Variants in NTM observed in about 807,000 individuals in gnomAD.
NTM encodes neurotrimin, also known as IgLON family member 2.
NTM carries 13 observed loss-of-function variants against 42.1 expected under a neutral mutation model. The observed-to-expected ratio is 0.31, with a 90% CI of 0.20 to 0.49. NTM has a LOEUF of 0.49. Ranked by LOEUF, NTM falls within the 20% of genes least tolerant of loss-of-function variation. The probability of loss-of-function intolerance (pLI) is 0.99; values close to 1 mark genes in which losing one functional copy is unlikely to be tolerated. For synonymous variants in NTM, 187 were observed against 179.2 expected, an observed-to-expected ratio of 1.04 and a Z score of -0.35; for missense variants, 373 against 452.8, an observed-to-expected ratio of 0.82 and a Z score of 1.60.
chr11:131,832,385 A>G (rs1263694705), intron 1 of NTM, among the ~76,000 whole-genome samples: 1 of 152,112 alleles, frequency 6.6e-6, no homozygotes, highest in Non-Finnish European at 1.5e-5. Context: ...AAGAAAAAAA[A>G]ACCATGGATA....
chr11:132,188,012 C>T (rs1284581582), intron 3 of NTM, among the ~76,000 whole-genome samples: 1 of 152,158 alleles, frequency 6.6e-6, no homozygotes, highest in Non-Finnish European at 1.5e-5. Flanking sequence ...GATAAGCTAG[C>T]CCAGCAGCTC....
At chr11:132,196,007 C>T (rs189422907) in intron 3 of NTM, among the ~76,000 whole-genome samples, 130 of 152,064 alleles carry the variant, frequency 8.5e-4, no homozygotes, top group Admixed American at 7.5e-3. Context: ...CAGAGTAAAC[C>T]GACAACCTAT....
intron 1 of NTM, among the ~76,000 whole-genome samples, chr11:131,691,669 G>A (rs950162457): frequency 2.5e-4 from 38 of 152,100 alleles, no homozygotes; most frequent in African/African-American, 9.2e-4. Context: ...GCAACCCCAG[G>A]GCGCAGCCAC....
At chr11:131,438,905 C>A (rs1949368635) in intron 1 of NTM, among the ~76,000 whole-genome samples, 1 of 152,180 alleles carries the variant, frequency 6.6e-6, no homozygotes, top group Non-Finnish European at 1.5e-5. Context: ...TCTGGTTTCT[C>A]CTCATCTTTG....
chr11:132,212,790 A>G (rs1486420085), intron 4 of NTM, among the ~76,000 whole-genome samples: 3 of 152,212 alleles, frequency 2.0e-5, no homozygotes, highest in Admixed American at 2.0e-4. Flanking sequence ...ATTTATTATT[A>G]AGCTAGCTTT....
At chr11:131,820,171 A>G (rs2093125373) in intron 1 of NTM, among the ~76,000 whole-genome samples, 1 of 152,186 alleles carries the variant, frequency 6.6e-6, no homozygotes, top group Non-Finnish European at 1.5e-5. Flanking sequence ...CAGCCTGGTG[A>G]GATTAACAAG....
chr11:131,975,909 C>T (rs995011786), intron 2 of NTM, among the ~76,000 whole-genome samples: 13 of 152,132 alleles, frequency 8.5e-5, no homozygotes, highest in South Asian at 2.1e-4. Context: ...GTGCAGGATC[C>T]GAGATATGAT....
At chr11:131,925,696 C>T (rs1159423113) in intron 2 of NTM, among the ~76,000 whole-genome samples, 1 of 152,070 alleles carries the variant, frequency 6.6e-6, no homozygotes, top group African/African-American at 2.4e-5. Flanking sequence ...GCCAGAGTTC[C>T]AAGCCTTGAA....
At chr11:131,720,438 A>G (rs2078199680) in intron 1 of NTM, among the ~76,000 whole-genome samples, 1 of 152,198 alleles carries the variant, frequency 6.6e-6, no homozygotes, top group Non-Finnish European at 1.5e-5. Flanking sequence ...TTGGAATGCA[A>G]CACACATAGT....
intron 1 of NTM, among the ~76,000 whole-genome samples, chr11:131,664,367 C>G (rs1330547696): frequency 6.6e-6 from 1 of 152,196 alleles, no homozygotes; most frequent in Non-Finnish European, 1.5e-5. Context: ...CTCATCATAG[C>G]CTTCCAAATT....
chr11:131,586,236 G>T (rs183378194), intron 1 of NTM, among the ~76,000 whole-genome samples: 180 of 152,252 alleles, frequency 1.2e-3, no homozygotes, highest in African/African-American at 3.9e-3. Context: ...CTCCCAAGTA[G>T]CTGGGACCAC....
intron 1 of NTM, among the ~76,000 whole-genome samples, chr11:131,840,534 A>C (rs1032798987): frequency 6.6e-6 from 1 of 152,150 alleles, no homozygotes; most frequent in Non-Finnish European, 1.5e-5. Flanking sequence ...GCAAAAGAAA[A>C]CTTAAGGAAG....
intron 2 of NTM, among the ~76,000 whole-genome samples, chr11:132,076,877 T>G (rs1339228674): frequency 6.6e-6 from 1 of 152,222 alleles, no homozygotes; most frequent in African/African-American, 2.4e-5. Context: ...TTGTCATCAT[T>G]TTTATTACCC....
rs73031920 is a variant in NTM at position 131,667,666 on chromosome 11, C to T, written c.83-243898C>T. On this transcript the variant is annotated intron_variant, in intron 1 of 8. Transcript: ENST00000683400. ...TGAGCAAGTGTTCAGCCTCGTGCTT[C>T]TCTCAACAGGAATAGCCCAGGAGTG... Among the ~76,000 whole-genome samples, 246 of 152,338 alleles carry T rather than the reference C, an allele frequency of 1.6e-3. 1 individual carries two copies. Among genetic ancestry groups the T allele is most frequent in the Middle Eastern group, 3.4e-3 (1 of 294 alleles).
chr11:132,146,650 T>G lies in NTM; in HGVS notation c.400+136T>G, dbSNP rs1215879262. 1.2e-6 allele frequency: 1 copy of G among 868,526 alleles called. No homozygotes were observed. Among genetic ancestry groups the G allele is most frequent in the African/African-American group, 1.7e-5 (1 of 58,870 alleles). The allele number at this position is 868,526 out of a possible 1,614,324, so 53.8% of individuals were successfully genotyped here. A position where few individuals can be genotyped will look rare whatever the true frequency, so the allele number is the denominator to read the frequency against. On this transcript the variant is annotated intron_variant, in intron 3 of 8. Coordinates refer to ENST00000683400, the MANE Select transcript of NTM (RefSeq NM_001352005.2). This position sits in a 1 kb window ranked among gnomAD's most constrained non-coding sequence, Gnocchi z 4.5. ...TCTGGGGTCCAGGGCACATTTCTGGTTGTCATTTTGCAGTTAGAAGCTAAA... is the reference window on the plus strand; with the variant it reads ...TCTGGGGTCCAGGGCACATTTCTGGGTGTCATTTTGCAGTTAGAAGCTAAA...
intron 2 of NTM, among the ~76,000 whole-genome samples, chr11:131,979,567 T>C (rs2134872014): frequency 6.6e-6 from 1 of 152,336 alleles, no homozygotes; most frequent in Non-Finnish European, 1.5e-5. Flanking sequence ...CTGCCTGGGC[T>C]TAATTAAGAT....
At chr11:131,599,699 T>C (rs757396836) in intron 1 of NTM, among the ~76,000 whole-genome samples, 1 of 152,192 alleles carries the variant, frequency 6.6e-6, no homozygotes, top group Non-Finnish European at 1.5e-5. Flanking sequence ...AATATTGTCA[T>C]GTGACAGATG....
At chr11:131,807,404 A>G (rs1447671925) in intron 1 of NTM, among the ~76,000 whole-genome samples, 1 of 152,232 alleles carries the variant, frequency 6.6e-6, no homozygotes, top group Admixed American at 6.5e-5. Flanking sequence ...TTCTCCAAAT[A>G]GGAAAGTAGT....
At chr11:131,953,256 C>T (rs894814354) in intron 2 of NTM, among the ~76,000 whole-genome samples, 7 of 152,050 alleles carry the variant, frequency 4.6e-5, no homozygotes, top group Non-Finnish European at 7.4e-5. Context: ...AATAGAGGCA[C>T]GCTCTATTTT....
Sources: gnomAD v4.1 joint callset for allele counts (sites outside exome capture counted in the v4.1 genomes callset) on GRCh38, gnomAD v4.1.1 for gene constraint, Gnocchi (gnomAD v3.1) non-coding constraint, MANE v1.5 for transcripts, NCBI Gene and HGNC (gene_info 2026-07-23, HGNC 2026-07-21) for gene names.